Variants in FNDC3B observed in about 807,000 individuals in gnomAD.
The protein encoded by FNDC3B is fibronectin type III domain containing 3B, also known as fibronectin type III domain-containing protein 3B.
Under a neutral mutation model 151.5 loss-of-function variants are expected in FNDC3B, and 12 were observed. The ratio of observed to expected loss-of-function variants is 0.08; its 90% CI spans 0.05 to 0.13. The LOEUF is 0.13. Among genes scored for constraint, FNDC3B ranks in the 10% least tolerant of loss-of-function variants. The pLI, the probability that FNDC3B is intolerant of heterozygous loss-of-function variation, is 1.00. For synonymous variants in FNDC3B, 528 were observed against 549.0 expected, an observed-to-expected ratio of 0.96 and a Z score of 0.54; for missense variants, 1,214 against 1,505.3, an observed-to-expected ratio of 0.81 and a Z score of 3.20.
intron 4 of FNDC3B, chr3:172,237,183 A>G (rs538261131): frequency 4.6e-5 from 7 of 152,386 alleles, no homozygotes; most frequent in African/African-American, 1.7e-4. Flanking sequence ...TGCTGAAGAC[A>G]AGCACCAGTA....
intron 25 of FNDC3B, among the ~76,000 whole-genome samples, chr3:172,388,996 G>A (rs1009205255): frequency 2.0e-5 from 3 of 152,136 alleles, no homozygotes; most frequent in African/African-American, 7.2e-5. Flanking sequence ...TGTAGGGGGC[G>A]GGGGATGTTT....
intron 1 of FNDC3B, among the ~76,000 whole-genome samples, chr3:172,059,216 C>CA (rs1464510691): frequency 1.3e-5 from 2 of 151,966 alleles, no homozygotes; most frequent in East Asian, 3.9e-4. Flanking sequence ...TAACATAATA[C>CA]ATATTTGGGA....
chr3:172,298,499 A>T (rs947050412), intron 8 of FNDC3B, among the ~76,000 whole-genome samples: 2 of 152,238 alleles, frequency 1.3e-5, no homozygotes, highest in Non-Finnish European at 2.9e-5. Context: ...TTTATTAGTA[A>T]GTTAACCATG....
chr3:172,228,570 C>T (rs894308290), intron 4 of FNDC3B, among the ~76,000 whole-genome samples: 1 of 151,852 alleles, frequency 6.6e-6, no homozygotes, highest in Non-Finnish European at 1.5e-5. Context: ...GGATATAGTT[C>T]GGATTCTGGA....
chr3:172,295,624 GTTTAT>G, intron 8 of FNDC3B, 110 bp downstream of exon 8: 3 of 966,722 alleles, frequency 3.1e-6, no homozygotes, highest in Non-Finnish European at 4.5e-6. Flanking sequence ...TTTTCCTTTA[GTTTAT>G]TTTAAGATTT....
At chr3:172,224,316 A>G (rs1670779652) in intron 3 of FNDC3B, among the ~76,000 whole-genome samples, 1 of 152,240 alleles carries the variant, frequency 6.6e-6, no homozygotes, top group Non-Finnish European at 1.5e-5. Context: ...ATACTTAAGA[A>G]TTAAATGGGG....
At chr3:172,255,371 C>T (rs553514516) in intron 6 of FNDC3B, among the ~76,000 whole-genome samples, 81 of 152,252 alleles carry the variant, frequency 5.3e-4, no homozygotes, top group African/African-American at 1.8e-3. Flanking sequence ...CAGGTTCAAG[C>T]GATTCTTCTG....
At chr3:172,141,268 G>T (rs923004811) in intron 3 of FNDC3B, among the ~76,000 whole-genome samples, 1 of 152,176 alleles carries the variant, frequency 6.6e-6, no homozygotes, top group Non-Finnish European at 1.5e-5. Context: ...TCATAGGGTT[G>T]CTGGTGATGG....
Position 172,130,089 on chromosome 3 carries a change from G to C in FNDC3B, c.112-3382G>C, listed in dbSNP as rs530698081. On this transcript the variant is annotated intron_variant, in intron 2 of 25. Transcript: ENST00000415807. ...GGCCAGGTTGTGACTCATGCTCCTC[G>C]GGGCTGCGTGATGCAAGACCTTTTG... Among the ~76,000 whole-genome samples the C allele has an allele frequency of 2.6e-4, 39 of 152,206 alleles. 1 individual carries two copies. In the South Asian group the frequency reaches 8.1e-3, roughly 32 times the overall value.
At chr3:172,207,532 A>G (rs1422081833) in intron 3 of FNDC3B, among the ~76,000 whole-genome samples, 1 of 152,192 alleles carries the variant, frequency 6.6e-6, no homozygotes, top group Non-Finnish European at 1.5e-5. Context: ...TTTGGTAAAT[A>G]GGCTGAGGTT....
chr3:172,174,858 T>G (rs1723473319), intron 3 of FNDC3B, among the ~76,000 whole-genome samples: 1 of 150,474 alleles, frequency 6.6e-6, no homozygotes, highest in Admixed American at 6.7e-5. Context: ...GTGTATACAG[T>G]TAATTCCCAA....
chr3:172,156,694 G>GTT lies in FNDC3B; in HGVS notation c.187+23165_187+23166dup, dbSNP rs66890930. Among the ~76,000 whole-genome samples, 800 of 141,824 alleles carry GTT rather than the reference G, an allele frequency of 5.6e-3. 9 individuals are homozygous for GTT. Among genetic ancestry groups the GTT allele is most frequent in the African/African-American group, 0.019 (732 of 38,672 alleles). 93.0% of individuals were successfully genotyped at this position (141,824 alleles called of 152,430 possible). A position where few individuals can be genotyped will look rare whatever the true frequency, so the allele number is the denominator to read the frequency against. The stretch of plus-strand genomic sequence containing the variant: ...AAAGTGGCTAGTGCTGAGTTTTGAA[G>GTT]TTTTTTTTTTTTTTTTTTCCCCACT... On this transcript the variant is annotated intron_variant, in intron 3 of 25. Transcript: ENST00000415807.
In FNDC3B at chr3:172,346,398, T is replaced by C; in HGVS notation, c.2322T>C (p.Cys774=). Residue 774 remains cysteine (C), a synonymous_variant, in exon 20 of 26, where the codon TGT becomes TGC. Transcript: ENST00000415807. ...CTCCTGGACAATGCAAAGCACCTTG[T>C]ATTTCTTGTACACCTGATGGATGTG... ...AGPPGQCKAP[C]ISCTPDGCVL... 6.2e-7 allele frequency: 1 copy of C among 1,613,796 alleles called. No individual in the cohort carries two copies. Among genetic ancestry groups the C allele is most frequent in the Middle Eastern group, 1.6e-4 (1 of 6,062 alleles).
intron 3 of FNDC3B, among the ~76,000 whole-genome samples, chr3:172,201,916 A>T (rs1195531985): frequency 6.6e-6 from 1 of 152,214 alleles, no homozygotes; most frequent in Non-Finnish European, 1.5e-5. Context: ...ATTCAACTTT[A>T]TCTGGGTGTG....
intron 6 of FNDC3B, among the ~76,000 whole-genome samples, chr3:172,254,397 T>C (rs141174938): frequency 0.011 from 1,668 of 152,160 alleles, 16 homozygotes; most frequent in Non-Finnish European, 0.017. Context: ...GGATAATGTA[T>C]AATCAGCCAA....
At chr3:172,063,070 G>A (rs1041282562) in intron 1 of FNDC3B, among the ~76,000 whole-genome samples, 9 of 151,982 alleles carry the variant, frequency 5.9e-5, no homozygotes, top group East Asian at 1.9e-4. Flanking sequence ...TTCTTTACAC[G>A]TATCTTTTCT....
chr3:172,093,549 C>T (rs999592215), intron 1 of FNDC3B, among the ~76,000 whole-genome samples: 5 of 152,150 alleles, frequency 3.3e-5, no homozygotes, highest in Non-Finnish European at 5.9e-5. Context: ...TGAGTCACCG[C>T]GCCCGGCCCC....
At chr3:172,371,191 C>T (rs991810773) in intron 23 of FNDC3B, among the ~76,000 whole-genome samples, 7 of 151,632 alleles carry the variant, frequency 4.6e-5, no homozygotes, top group Admixed American at 3.9e-4. Context: ...ATATAACCTA[C>T]GCACATCCTC....
intron 1 of FNDC3B, among the ~76,000 whole-genome samples, chr3:172,067,203 GT>G (rs1266948147): frequency 6.6e-6 from 1 of 152,080 alleles, no homozygotes; most frequent in African/African-American, 2.4e-5. Context: ...AATTTCCACT[GT>G]TTAGATATTA....
Sources: allele counts gnomAD v4.1 joint callset (sites outside exome capture counted in the v4.1 genomes callset), GRCh38; gene constraint gnomAD v4.1.1; transcripts MANE v1.5; gene names NCBI Gene and HGNC (gene_info 2026-07-23, HGNC 2026-07-21).